DIS3L: variants seen among roughly 807,000 people sequenced by gnomAD.
DIS3L encodes the protein DIS3 like exosome 3'-5' exoribonuclease, also known as DIS3-like exonuclease 1.
DIS3L carries 100 observed loss-of-function variants against 120.3 expected under a neutral mutation model. That is an observed-to-expected ratio of 0.83 (90% confidence interval 0.71 to 0.98). The LOEUF is 0.98. DIS3L is among the 50% of genes least tolerant of loss of function. The pLI is 0.00. For missense variants in DIS3L, 1,196 were observed against 1,314.2 expected (o/e 0.91, Z 1.39); for synonymous variants, 426 against 470.6 (o/e 0.91, Z 1.23).
In DIS3L at chr15:66,320,701, G is replaced by A; in HGVS notation, c.1295G>A (p.Ser432Asn). The change falls in exon 9 of 17, where the codon AGT becomes AAT. Residue 432 changes from serine to asparagine, a missense_variant. Physicochemically the swap from Ser to Asn is conservative, Grantham distance 46 (BLOSUM62 1). Transcript: ENST00000319212. ...ATTGCAACCATCCTGGTGGAAAACA[G>A]TATTTCAGTTATTCCTTTCTCAGAA... is the stretch of plus-strand genomic sequence containing the variant. Reference protein sequence around the residue: ...GEIATILVENSISVIPFSEAQ... With the variant: ...GEIATILVENNISVIPFSEAQ... 1 of 1,613,976 alleles carries A rather than the reference G, an allele frequency of 6.2e-7. No individual in the cohort carries two copies. The highest frequency in any genetic ancestry group is 1.1e-5 in the South Asian group (1 of 91,040).
intron 9 of DIS3L, 42 bp from the exon 10 acceptor site, chr15:66,322,645 T>C: frequency 6.2e-7 from 1 of 1,604,808 alleles, no homozygotes; most frequent in South Asian, 1.1e-5. Flanking sequence ...TTTACAGAAA[T>C]TTGTGGTGCA....
intron 7 of DIS3L, among the ~76,000 whole-genome samples, chr15:66,316,746 C>T (rs963604146): frequency 1.3e-5 from 2 of 152,040 alleles, no homozygotes; most frequent in African/African-American, 4.8e-5. Context: ...ACCTAGGAGG[C>T]GGAGGTTGCA....
rs561884094 is a variant in DIS3L at position 66,328,799 on chromosome 15, G to A, written c.2202-171G>A. Among the ~76,000 whole-genome samples, 19 of 152,238 alleles carry A rather than the reference G, an allele frequency of 1.2e-4. No homozygotes were observed. In the East Asian group the frequency reaches 1.5e-3, roughly 12 times the overall value. On this transcript the variant is annotated intron_variant, in intron 12 of 16. Transcript: ENST00000319212. The stretch of plus-strand genomic sequence containing the variant: ...CTGACACTCTTGTTTTGTTTAAGCC[G>A]TAAAGCAAACTAGATTTCTGTAGTT...
chr15:66,299,783 C>T (rs1166590958), intron 2 of DIS3L, among the ~76,000 whole-genome samples: 3 of 152,140 alleles, frequency 2.0e-5, no homozygotes, highest in Admixed American at 6.5e-5. Context: ...CAGCCGGGCG[C>T]GGTGGCTCAC....
At chr15:66,314,499 A>T (rs2140364538) in intron 6 of DIS3L, among the ~76,000 whole-genome samples, 1 of 152,296 alleles carries the variant, frequency 6.6e-6, no homozygotes, top group South Asian at 2.1e-4. Context: ...AAAATGTGTA[A>T]ATAAGTTGTA....
rs567731300 is a variant in DIS3L, at chr15:66,313,501, G to A, written c.736-538G>A. On this transcript the variant is annotated intron_variant, in intron 5 of 16. Transcript: ENST00000319212. Reference sequence around the variant, plus strand: ...TGTAATCCCAGCACTTTGGGAGGCCGAGGTGGATCACAAGGTCATGAGTTC... The same window carrying A: ...TGTAATCCCAGCACTTTGGGAGGCCAAGGTGGATCACAAGGTCATGAGTTC... Among the ~76,000 whole-genome samples, 51 of 152,006 alleles carry A rather than the reference G, an allele frequency of 3.4e-4. 1 individual carries two copies. Among genetic ancestry groups the A allele is most frequent in the Admixed American group, 1.8e-3 (27 of 15,236 alleles).
In DIS3L at chr15:66,333,091, A is replaced by T; in HGVS notation, c.2944A>T (p.Thr982Ser). The change falls in exon 17 of 17, where the codon ACA becomes TCA. Residue 982 changes from threonine (T) to serine (S), a missense_variant. Thr to Ser is a moderately conservative substitution (Grantham distance 58, BLOSUM62 1). Transcript: ENST00000319212. The part of the protein sequence containing the change: ...ISNKPYKIPN[T>S]ELIHQSSPLL... ...TAACAAACCATACAAGATACCAAATACAGAACTTATTCATCAGAGTTCCCC... is the reference window on the plus strand; with the variant it reads ...TAACAAACCATACAAGATACCAAATTCAGAACTTATTCATCAGAGTTCCCC... 2 of 1,613,442 alleles carry T rather than the reference A, an allele frequency of 1.2e-6. No homozygotes were observed. Among genetic ancestry groups the T allele is most frequent in the Non-Finnish European group, 1.7e-6 (2 of 1,180,036 alleles).
intron 1 of DIS3L, chr15:66,293,943 C>G: frequency 1.0e-6 from 1 of 996,548 alleles, no homozygotes; most frequent in Non-Finnish European, 1.2e-6. Context: ...GCGCCCGGGA[C>G]TCCCTTACTG....
At chr15:66,312,862 CT>C (rs1303890242) in intron 5 of DIS3L, among the ~76,000 whole-genome samples, 1 of 152,186 alleles carries the variant, frequency 6.6e-6, no homozygotes, top group Admixed American at 6.5e-5. Flanking sequence ...AAGAGCATCA[CT>C]CCAAAGCCAC....
intron 2 of DIS3L, among the ~76,000 whole-genome samples, chr15:66,306,001 G>GT (rs2092699228): frequency 1.3e-5 from 2 of 152,120 alleles, no homozygotes; most frequent in Admixed American, 1.3e-4. Flanking sequence ...TTTTGTTGTT[G>GT]TTTTTTGAGA....
intron 2 of DIS3L, among the ~76,000 whole-genome samples, chr15:66,305,612 A>G (rs2092695831): frequency 6.6e-6 from 1 of 151,284 alleles, no homozygotes; most frequent in Non-Finnish European, 1.5e-5. Context: ...GCAGCCTCAG[A>G]CTCCTGGGCT....
chr15:66,295,002 T>C lies in DIS3L; in HGVS notation c.154T>C (p.Ser52Pro). The C allele has an allele frequency of 1.2e-6, 2 of 1,613,058 alleles. No individual in the cohort carries two copies. Among genetic ancestry groups the C allele is most frequent in the Non-Finnish European group, 1.7e-6 (2 of 1,179,428 alleles). The change falls in exon 2 of 17, where the codon TCT (serine) becomes CCT (proline). Residue 52 changes from serine to proline, a missense_variant. Coordinates refer to ENST00000319212, the MANE Select transcript of DIS3L (RefSeq NM_001143688.3). ...TTATGTTTCAGATGGGAAACTCTTG[T>C]CTAGTGATGTGACTCATTACGTGAT... Reference protein sequence around the residue: ...AACSHDGKLLSSDVTHYVIPD... With the variant: ...AACSHDGKLLPSDVTHYVIPD...
chr15:66,309,725 A>G (rs2092741876), intron 4 of DIS3L, among the ~76,000 whole-genome samples: 1 of 152,234 alleles, frequency 6.6e-6, no homozygotes, highest in South Asian at 2.1e-4. Context: ...ACCATGCTAT[A>G]CTGCCTTCCA....
At chr15:66,331,172 AC>A (rs891738655) in intron 14 of DIS3L, among the ~76,000 whole-genome samples, 1 of 151,986 alleles carries the variant, frequency 6.6e-6, no homozygotes, top group Non-Finnish European at 1.5e-5. Context: ...AGACAAAGAA[AC>A]TTTAATACAT....
rs760908998 is a variant in DIS3L at position 66,326,135 on chromosome 15, G to T, written c.1972G>T (p.Val658Leu). ...GGAACTGGAAGGGGTAGAGGTTTGC[G>T]TACAGCTAGATGACAAAAAGAACAT... ...ALELEGVEVCVQLDDKKNIHD... is the reference protein window; with the variant it reads ...ALELEGVEVCLQLDDKKNIHD... The change falls in exon 12 of 17, where the codon GTA becomes TTA. Residue 658 changes from valine to leucine, a missense_variant. Transcript: ENST00000319212. 1.2e-6 allele frequency: 2 copies of T among 1,614,192 alleles called. No homozygotes were observed. The highest frequency in any genetic ancestry group is 2.2e-5 in the East Asian group (1 of 44,888).
At position 66,295,066 on chromosome 15, in the gene DIS3L, T is replaced by G; in HGVS notation, c.218T>G (p.Leu73Arg). The G allele has an allele frequency of 6.2e-7, 1 of 1,614,164 alleles. No individual in the cohort carries two copies. The highest frequency in any genetic ancestry group is 8.5e-7 in the Non-Finnish European group (1 of 1,180,014). The part of the protein sequence containing the change: ...WKVVQDYLEI[L>R]EFPELKGIIF... ...GTTGTTCAAGATTATCTTGAGATCC[T>G]TGAGTTTCCTGAGTTGAAGGGAATT... The change falls in exon 2 of 17, where the codon CTT (leucine) becomes CGT (arginine). Residue 73 changes from leucine (L) to arginine (R), a missense_variant. Physicochemically the swap from Leu to Arg is moderately radical, Grantham distance 102. Transcript: ENST00000319212.
chr15:66,316,751 G>A (rs919385514), intron 7 of DIS3L, among the ~76,000 whole-genome samples: 1 of 152,170 alleles, frequency 6.6e-6, no homozygotes, highest in Non-Finnish European at 1.5e-5. Context: ...GGAGGCGGAG[G>A]TTGCAGTGAG....
intron 12 of DIS3L, among the ~76,000 whole-genome samples, chr15:66,327,252 A>C (rs2092948505): frequency 6.6e-6 from 1 of 152,132 alleles, no homozygotes; most frequent in Admixed American, 6.6e-5. Flanking sequence ...TGTAATACAG[A>C]AGTAGGGAAC....
In DIS3L at chr15:66,295,051, A is replaced by G; in HGVS notation, c.203A>G (p.Asp68Gly). Residue 68 changes from aspartate to glycine, a missense_variant, in exon 2 of 17, where the codon GAT becomes GGT. Physicochemically the swap from Asp to Gly is moderately conservative, Grantham distance 94. Transcript: ENST00000319212. ...ATCCCAGACTGGAAAGTTGTTCAAG[A>G]TTATCTTGAGATCCTTGAGTTTCCT... ...YVIPDWKVVQ[D>G]YLEILEFPEL... is the part of the protein sequence containing the mutation. The G allele has an allele frequency of 6.2e-7, 1 of 1,614,164 alleles. No homozygotes were observed. The highest frequency in any genetic ancestry group is 8.5e-7 in the Non-Finnish European group (1 of 1,180,022).
Sources: gnomAD v4.1 joint callset for allele counts (sites outside exome capture counted in the v4.1 genomes callset) on GRCh38, gnomAD v4.1.1 for gene constraint, MANE v1.5 for transcripts, NCBI Gene and HGNC (gene_info 2026-07-23, HGNC 2026-07-21) for gene names.